SACS: variants seen among roughly 807,000 people sequenced by gnomAD.
SACS encodes the protein sacsin molecular chaperone, also known as sacsin.
SACS carries 197 observed loss-of-function variants against 348.0 expected under a neutral mutation model. The ratio of observed to expected loss-of-function variants is 0.57; its 90% CI spans 0.50 to 0.64. SACS has a LOEUF of 0.64. SACS is among the 30% of genes least tolerant of loss of function. The pLI is 0.00. For synonymous variants in SACS, 1,985 were observed against 1,910.6 expected, an observed-to-expected ratio of 1.04 and a Z score of -1.02; for missense variants, 4,999 against 5,360.8, an observed-to-expected ratio of 0.93 and a Z score of 2.11.
At chr13:23,409,790 G>A (rs999497745) in intron 2 of SACS, among the ~76,000 whole-genome samples, 1 of 152,144 alleles carries the variant, frequency 6.6e-6, no homozygotes, top group African/African-American at 2.4e-5. Context: ...CCTATATAAT[G>A]TAAATCTCTG....
In SACS at chr13:23,355,789, G is replaced by A. The variant is rs964388306; in HGVS notation, c.823C>T (p.Leu275Phe). The change falls in exon 8 of 10, where the codon CTT (leucine) becomes TTT (phenylalanine). Residue 275 changes from leucine (L) to phenylalanine (F), a missense_variant. Leu to Phe is a conservative substitution (Grantham distance 22). Around this residue, in one of 6 missense-constraint regions of SACS, gnomAD observed 3,156 missense variants for 3,380.1 expected, o/e 0.93. Transcript: ENST00000382292. Reference sequence around the variant, plus strand: ...CTAAGTTGTGAAGGTTGTAGGCGAAGAGGGAAACGGAAAAATGTTCCTGGA... The same window carrying A: ...CTAAGTTGTGAAGGTTGTAGGCGAAAAGGGAAACGGAAAAATGTTCCTGGA... ...NFPGTFFRFPLRLQPSQLSSN... is the reference protein window; with the variant it reads ...NFPGTFFRFPFRLQPSQLSSN... The A allele has an allele frequency of 1.2e-6, 2 of 1,614,094 alleles. No individual in the cohort carries two copies. Among genetic ancestry groups the A allele is most frequent in the Non-Finnish European group, 1.7e-6 (2 of 1,180,044 alleles).
rs758215524 is a variant in SACS, at chr13:23,333,243, C to T, written c.10633G>A (p.Val3545Met). 10 of 1,598,898 alleles carry T rather than the reference C, an allele frequency of 6.3e-6. No homozygotes were observed. Among genetic ancestry groups the T allele is most frequent in the Non-Finnish European group, 8.5e-6 (10 of 1,174,010 alleles). The change falls in exon 10 of 10, where the codon GTG (valine) becomes ATG (methionine). Residue 3545 changes from valine to methionine, a missense_variant. Val to Met is a conservative substitution (Grantham distance 21). Coordinates refer to ENST00000382292, the MANE Select transcript of SACS (RefSeq NM_014363.6). ...GGAAGCATAACTTCAAAAACTCTCACAGTTCTATCATAGAAATGCTTTGCT... is the reference window on the plus strand; with the variant it reads ...GGAAGCATAACTTCAAAAACTCTCATAGTTCTATCATAGAAATGCTTTGCT... ...KQAKHFYDRT[V>M]RVFEVMLPEK...
chr13:23,418,267 C>T (rs559940615), intron 1 of SACS, among the ~76,000 whole-genome samples: 32 of 152,046 alleles, frequency 2.1e-4, no homozygotes, highest in Non-Finnish European at 4.1e-4. Flanking sequence ...TTATATTTAT[C>T]TTTCATATGG....
In SACS at chr13:23,332,137, A is replaced by G. The variant is rs903855704; in HGVS notation, c.11739T>C (p.Asp3913=). ...RDLALYLPSQ[D]GRLVKSSILV... is the part of the protein sequence containing the mutation. ...AGATGCTTGACTTTACCAATCTACCATCCTGGCTTGGGAGGTAAAGCGCAA... is the reference window on the plus strand; with the variant it reads ...AGATGCTTGACTTTACCAATCTACCGTCCTGGCTTGGGAGGTAAAGCGCAA... Residue 3913 remains aspartate, a synonymous_variant, in exon 10 of 10, where the codon GAT becomes GAC. Coordinates refer to ENST00000382292, the MANE Select transcript of SACS (RefSeq NM_014363.6). 1 of 1,613,918 alleles carries G rather than the reference A, an allele frequency of 6.2e-7. No individual in the cohort carries two copies. The highest frequency in any genetic ancestry group is 1.1e-5 in the South Asian group (1 of 91,074).
At position 23,337,148 on chromosome 13, in the gene SACS, G is replaced by A. The variant is rs749102723; in HGVS notation, c.6728C>T (p.Thr2243Ile). The A allele has an allele frequency of 2.4e-5, 39 of 1,613,894 alleles. No individual in the cohort carries two copies. In the Admixed American group the frequency reaches 5.8e-4, roughly 24 times the overall value. The stretch of plus-strand genomic sequence containing the variant: ...TTGATGTTCAGCTGTATAAAGGTCA[G>A]TTGCTGCAAACATGGTTTCAGGCTT... ...SFKPETMFAA[T>I]DLYTAEHQDI... Residue 2243 changes from threonine to isoleucine, a missense_variant, in exon 10 of 10, where the codon ACT becomes ATT. Transcript: ENST00000382292.
At chr13:23,377,596 GC>G in intron 2 of SACS, among the ~76,000 whole-genome samples, 2 of 152,202 alleles carry the variant, frequency 1.3e-5, no homozygotes, top group East Asian at 3.9e-4. Context: ...CACATTTCCT[GC>G]CAGGCTCCAG....
chr13:23,416,846 C>CT (rs1018879173), intron 1 of SACS, among the ~76,000 whole-genome samples: 1 of 151,690 alleles, frequency 6.6e-6, no homozygotes, highest in Non-Finnish European at 1.5e-5. Flanking sequence ...TTCTTGATCT[C>CT]TATTTTTACT....
At position 23,335,862 on chromosome 13, in the gene SACS, C is replaced by T; in HGVS notation, c.8014G>A (p.Ala2672Thr). Residue 2672 changes from alanine (A) to threonine (T), a missense_variant, in exon 10 of 10, where the codon GCA (alanine) becomes ACA (threonine). Ala to Thr is a moderately conservative substitution (Grantham distance 58). Around this residue, in one of 6 missense-constraint regions of SACS, gnomAD observed 3,156 missense variants for 3,380.1 expected, o/e 0.93. Coordinates refer to ENST00000382292, the MANE Select transcript of SACS (RefSeq NM_014363.6). The surrounding 1 kb of genome is among the most constrained non-coding windows in gnomAD (Gnocchi z 4.7). ...TCTGAGAACTGTGTCCTAAAATCTGCATCCAAATCTCTAAACATGCGTCCG... is the reference window on the plus strand; with the variant it reads ...TCTGAGAACTGTGTCCTAAAATCTGTATCCAAATCTCTAAACATGCGTCCG... Reference protein sequence around the residue: ...SPGRMFRDLDADFRTQFSDVL... With the variant: ...SPGRMFRDLDTDFRTQFSDVL... The T allele has an allele frequency of 2.5e-6, 4 of 1,613,950 alleles. No homozygotes were observed. Among genetic ancestry groups the T allele is most frequent in the Non-Finnish European group, 3.4e-6 (4 of 1,179,914 alleles).
rs977913685 is a variant in SACS, at chr13:23,330,116, T to C, written c.*20A>G. The C allele has an allele frequency of 1.3e-6, 2 of 1,584,042 alleles. No homozygotes were observed. The highest frequency in any genetic ancestry group is 1.7e-6 in the Non-Finnish European group (2 of 1,160,254). Reference sequence around the variant, plus strand: ...TGCTACAACACATTCAAGATCTACCTTTTTTTTCGTTAAATATCTTCACAC... The same window carrying C: ...TGCTACAACACATTCAAGATCTACCCTTTTTTTCGTTAAATATCTTCACAC... On this transcript the variant is annotated 3_prime_UTR_variant, in exon 10 of 10. Coordinates refer to ENST00000382292, the MANE Select transcript of SACS (RefSeq NM_014363.6).
intron 2 of SACS, among the ~76,000 whole-genome samples, chr13:23,380,120 C>CGTGTGTG (rs1491572643): frequency 1.2e-5 from 1 of 86,122 alleles, no homozygotes; most frequent in African/African-American, 4.4e-5. Context: ...CTGGGATTCC[C>CGTGTGTG]TCGTGTGTGT....
At chr13:23,358,001 A>C (rs1156693136) in intron 7 of SACS, among the ~76,000 whole-genome samples, 2 of 152,216 alleles carry the variant, frequency 1.3e-5, no homozygotes, top group Admixed American at 6.5e-5. Flanking sequence ...TGACTTGAAG[A>C]GTTGCAGTTT....
At position 23,337,634 on chromosome 13, in the gene SACS, A is replaced by G. The variant is rs1194284889; in HGVS notation, c.6242T>C (p.Leu2081Pro). 6.2e-7 allele frequency: 1 copy of G among 1,613,900 alleles called. No homozygotes were observed. Among genetic ancestry groups the G allele is most frequent in the Admixed American group, 1.7e-5 (1 of 60,024 alleles). ...ELRDPLMIFV[L>P]NEKVDEFSGV... ...CGAGAACTCATCAACTTTTTCATTT[A>G]GAACAAAGATCATTAAAGGATCTCT... Residue 2081 changes from leucine (L) to proline (P), a missense_variant, in exon 10 of 10, where the codon CTA becomes CCA. Leu to Pro is a moderately conservative substitution (Grantham distance 98). Coordinates refer to ENST00000382292, the MANE Select transcript of SACS (RefSeq NM_014363.6).
chr13:23,409,927 T>G (rs1425734194), intron 2 of SACS, among the ~76,000 whole-genome samples: 3 of 152,194 alleles, frequency 2.0e-5, no homozygotes, highest in African/African-American at 7.2e-5. Flanking sequence ...TATTAAACAT[T>G]TATAGTTAGT....
rs1175897856 is a variant in SACS at position 23,409,040 on chromosome 13, CTTTTTTTTTTTTT to C, written c.20+2167_20+2179del. Among the ~76,000 whole-genome samples, 190 of 35,150 alleles carry C rather than the reference CTTTTTTTTTTTTT, an allele frequency of 5.4e-3. 8 individuals are homozygous for C. The highest frequency in any genetic ancestry group is 0.019 in the African/African-American group (164 of 8,728). The allele number at this position is 35,150 out of a possible 152,430, so 23.1% of individuals were successfully genotyped here. On this transcript the variant is annotated intron_variant, in intron 2 of 9. Coordinates refer to ENST00000382292, the MANE Select transcript of SACS (RefSeq NM_014363.6). Reference sequence around the variant, plus strand: ...TATGGTCTTAATAAAACAAGTTTTACTTTTTTTTTTTTTTTTTTTTTTTTTTTTTTGAGACGGA... The same window carrying C: ...TATGGTCTTAATAAAACAAGTTTTACTTTTTTTTTTTTTTTTTGAGACGGA...
rs1396118147 is a variant in SACS at position 23,337,732 on chromosome 13, T to C, written c.6144A>G (p.Glu2048=). 1 of 1,613,622 alleles carries C rather than the reference T, an allele frequency of 6.2e-7. No individual in the cohort carries two copies. Among genetic ancestry groups the C allele is most frequent in the Non-Finnish European group, 8.5e-7 (1 of 1,179,940 alleles). ...AAAACTGTTTCTCTGAAAATGTGTT[T>C]TCAAGTAGTATCTGTTTGCAGCCAG... ...EEAGCKQILL[E]NTFSEKQFFS... is the part of the protein sequence containing the mutation. The change falls in exon 10 of 10, where the codon GAA becomes GAG. Residue 2048 remains glutamate (E), a synonymous_variant. Coordinates refer to ENST00000382292, the MANE Select transcript of SACS (RefSeq NM_014363.6).
In SACS at chr13:23,331,175, T is replaced by C. The variant is rs373636494; in HGVS notation, c.12701A>G (p.Tyr4234Cys). The change falls in exon 10 of 10, where the codon TAT (tyrosine) becomes TGT (cysteine). Residue 4234 changes from tyrosine to cysteine, a missense_variant. Coordinates refer to ENST00000382292, the MANE Select transcript of SACS (RefSeq NM_014363.6). ...IYQIDIGYSE[Y>C]KIVSSLDLYK... ...CAGATCAAGAGAGCTAACTATTTTATATTCACTATAACCAATATCTATCTG... is the reference window on the plus strand; with the variant it reads ...CAGATCAAGAGAGCTAACTATTTTACATTCACTATAACCAATATCTATCTG... The C allele has an allele frequency of 1.3e-5, 21 of 1,613,826 alleles. No individual in the cohort carries two copies. The highest frequency in any genetic ancestry group is 1.8e-5 in the Non-Finnish European group (21 of 1,179,730).
chr13:23,329,273 A>T lies in SACS; in HGVS notation c.*863T>A, dbSNP rs1883319252. 1.9e-6 allele frequency: 1 copy of T among 533,798 alleles called. No individual in the cohort carries two copies. The highest frequency in any genetic ancestry group is 2.0e-5 in the African/African-American group (1 of 49,472). 33.1% of individuals were successfully genotyped at this position (533,798 alleles called of 1,614,324 possible). A position where few individuals can be genotyped will look rare whatever the true frequency, so the allele number is the denominator to read the frequency against. On this transcript the variant is annotated 3_prime_UTR_variant, in exon 10 of 10. Coordinates refer to ENST00000382292, the MANE Select transcript of SACS (RefSeq NM_014363.6). ...AGGTTGTTTTTTTTTTAACTGCAGC[A>T]CCTTTAGACAACAAAAGATTGCATC...
At chr13:23,345,061 TC>T (rs1393209862) in intron 9 of SACS, among the ~76,000 whole-genome samples, 1 of 152,140 alleles carries the variant, frequency 6.6e-6, no homozygotes, top group Non-Finnish European at 1.5e-5. Context: ...TCAACCAGAC[TC>T]CTCCAGTCTC....
intron 2 of SACS, among the ~76,000 whole-genome samples, chr13:23,398,338 G>GC (rs1347752505): frequency 6.6e-6 from 1 of 151,862 alleles, no homozygotes; most frequent in Non-Finnish European, 1.5e-5. Flanking sequence ...TTCGAGACCA[G>GC]CCTGGCCAAT....
Sources: gnomAD v4.1 joint callset for allele counts (sites outside exome capture counted in the v4.1 genomes callset) on GRCh38, gnomAD v4.1.1 for gene constraint, gnomAD v4.1.1 regional missense constraint, Gnocchi (gnomAD v3.1) non-coding constraint, MANE v1.5 for transcripts, NCBI Gene and HGNC (gene_info 2026-07-23, HGNC 2026-07-21) for gene names.